RABGAP1L: variants seen among roughly 807,000 people sequenced by gnomAD.
The protein encoded by RABGAP1L is RAB GTPase activating protein 1 like, also known as rab GTPase-activating protein 1-like.
RABGAP1L carries 63 observed loss-of-function variants against 137.7 expected under a neutral mutation model. That is an observed-to-expected ratio of 0.46 (90% CI 0.37 to 0.56). The LOEUF (loss-of-function observed/expected upper bound fraction) is 0.56. Among genes scored for constraint, RABGAP1L ranks in the 20% least tolerant of loss-of-function variants. The pLI, the probability that RABGAP1L is intolerant of heterozygous loss-of-function variation, is 0.00. For missense variants in RABGAP1L, 1,095 were observed against 1,244.0 expected, an observed-to-expected ratio of 0.88 and a Z score of 1.80; for synonymous variants, 431 against 433.7, an observed-to-expected ratio of 0.99 and a Z score of 0.08.
At chr1:174,922,754 G>A (rs372296524) in intron 19 of RABGAP1L, among the ~76,000 whole-genome samples, 3 of 152,206 alleles carry the variant, frequency 2.0e-5, no homozygotes, top group African/African-American at 7.2e-5. Flanking sequence ...ATTCAATGTA[G>A]TGGTTAAAAG....
chr1:174,983,247 A>C (rs952806773), intron 24 of RABGAP1L, among the ~76,000 whole-genome samples: 1 of 152,072 alleles, frequency 6.6e-6, no homozygotes, highest in African/African-American at 2.4e-5. Flanking sequence ...ATGTGGCTTC[A>C]GTATGGGACT....
At chr1:174,943,022 G>A (rs1171290779) in intron 19 of RABGAP1L, among the ~76,000 whole-genome samples, 1 of 152,102 alleles carries the variant, frequency 6.6e-6, no homozygotes, top group Non-Finnish European at 1.5e-5. Flanking sequence ...TAACTATTTG[G>A]GGAAACTATG....
At chr1:174,190,147 A>G (rs1381395028) in intron 1 of RABGAP1L, among the ~76,000 whole-genome samples, 1 of 152,076 alleles carries the variant, frequency 6.6e-6, no homozygotes, top group Non-Finnish European at 1.5e-5. Flanking sequence ...TACTAAAAAT[A>G]CAAAAATTAG....
At chr1:174,920,397 G>T (rs1026409467) in intron 19 of RABGAP1L, among the ~76,000 whole-genome samples, 1 of 152,166 alleles carries the variant, frequency 6.6e-6, no homozygotes, top group Admixed American at 6.5e-5. Context: ...TTCACTATCA[G>T]GAGAACAGTG....
intron 18 of RABGAP1L, among the ~76,000 whole-genome samples, chr1:174,785,717 C>T (rs549022761): frequency 1.4e-3 from 220 of 152,340 alleles, no homozygotes; most frequent in Non-Finnish European, 2.7e-3. Context: ...TTCAACTGCT[C>T]ACTCTCATGT....
intron 19 of RABGAP1L, among the ~76,000 whole-genome samples, chr1:174,820,138 C>T (rs976030112): frequency 6.6e-6 from 1 of 152,120 alleles, no homozygotes; most frequent in African/African-American, 2.4e-5. Context: ...CAAAAATCTA[C>T]AGTGTTTTGT....
At chr1:174,360,406 T>C (rs1684031762) in intron 11 of RABGAP1L, among the ~76,000 whole-genome samples, 1 of 152,186 alleles carries the variant, frequency 6.6e-6, no homozygotes, top group Admixed American at 6.5e-5. Flanking sequence ...CTATTAATAG[T>C]TTGGCATTAT....
intron 13 of RABGAP1L, among the ~76,000 whole-genome samples, chr1:174,396,902 G>A (rs952332727): frequency 2.6e-5 from 4 of 151,856 alleles, no homozygotes; most frequent in Admixed American, 2.0e-4. Context: ...AGTTTGGAAG[G>A]TGGAGGTGGG....
intron 10 of RABGAP1L, among the ~76,000 whole-genome samples, chr1:174,285,242 C>A (rs192219194): frequency 2.6e-5 from 4 of 152,184 alleles, no homozygotes; most frequent in Non-Finnish European, 5.9e-5. Context: ...GTCTCGAACT[C>A]CTGACTTCAG....
intron 19 of RABGAP1L, among the ~76,000 whole-genome samples, chr1:174,868,389 T>A (rs532985633): frequency 6.6e-6 from 1 of 152,344 alleles, no homozygotes; most frequent in East Asian, 1.9e-4. Context: ...CAGTAGGTTT[T>A]AAATATGTGT....
At chr1:174,262,709 T>C (rs929385576) in intron 7 of RABGAP1L, among the ~76,000 whole-genome samples, 3 of 152,246 alleles carry the variant, frequency 2.0e-5, no homozygotes, top group Admixed American at 2.0e-4. Context: ...ATATGTAGCC[T>C]GGCTGCTAAT....
intron 18 of RABGAP1L, among the ~76,000 whole-genome samples, chr1:174,778,337 T>A (rs1317679373): frequency 6.6e-6 from 1 of 152,134 alleles, no homozygotes; most frequent in Non-Finnish European, 1.5e-5. Context: ...TTTATAGACA[T>A]ACAAAAGCTA....
At chr1:174,839,461 C>A (rs1283744065) in intron 19 of RABGAP1L, among the ~76,000 whole-genome samples, 1 of 152,126 alleles carries the variant, frequency 6.6e-6, no homozygotes, top group Admixed American at 6.5e-5. Context: ...GTAACCAAGG[C>A]AAGGACTGAT....
At chr1:174,697,526 C>G (rs150961503) in intron 15 of RABGAP1L, among the ~76,000 whole-genome samples, 7,379 of 152,246 alleles carry the variant, frequency 0.048, 271 homozygotes, top group Non-Finnish European at 0.072. Flanking sequence ...GTCATGTTGG[C>G]CAGGCTAGTC....
chr1:174,609,793 A>G lies in RABGAP1L; in HGVS notation c.1711-27582A>G, dbSNP rs562505289. On this transcript the variant is annotated intron_variant, in intron 13 of 25. Coordinates refer to ENST00000681986, the MANE Select transcript of RABGAP1L (RefSeq NM_001366446.1). ...TCACTTTAATAAGAGTGATTTTAAA[A>G]TAATGCAGGGATTGAATGTATCTTT... Among the ~76,000 whole-genome samples, 29 of 152,302 alleles carry G rather than the reference A, an allele frequency of 1.9e-4. 2 individuals carry two copies. In the East Asian group the frequency reaches 5.6e-3, roughly 29 times the overall value.
chr1:174,383,413 C>A (rs1179189237), intron 12 of RABGAP1L, among the ~76,000 whole-genome samples: 1 of 151,934 alleles, frequency 6.6e-6, no homozygotes, highest in Non-Finnish European at 1.5e-5. Flanking sequence ...GCAGTTTGAT[C>A]TCAGACTGCT....
intron 11 of RABGAP1L, among the ~76,000 whole-genome samples, chr1:174,356,644 T>C (rs1320948821): frequency 1.3e-5 from 2 of 152,102 alleles, no homozygotes; most frequent in African/African-American, 4.8e-5. Context: ...GATTGAAGTA[T>C]CATACATATT....
At chr1:174,535,694 A>C (rs916614983) in intron 13 of RABGAP1L, among the ~76,000 whole-genome samples, 2 of 152,210 alleles carry the variant, frequency 1.3e-5, no homozygotes, top group Non-Finnish European at 2.9e-5. Flanking sequence ...TTAGTTTTAT[A>C]AAACATTCAG....
At chr1:174,467,126 A>G (rs1410773796) in intron 13 of RABGAP1L, among the ~76,000 whole-genome samples, 1 of 152,204 alleles carries the variant, frequency 6.6e-6, no homozygotes, top group Non-Finnish European at 1.5e-5. Flanking sequence ...ACACACAAAT[A>G]TATACACAGC....
Sources: allele counts gnomAD v4.1 joint callset (sites outside exome capture counted in the v4.1 genomes callset), GRCh38; gene constraint gnomAD v4.1.1; transcripts MANE v1.5; gene names NCBI Gene and HGNC (gene_info 2026-07-23, HGNC 2026-07-21).